Variants in LITAF observed in about 807,000 individuals in gnomAD.
LITAF encodes the protein lipopolysaccharide induced TNF factor, also known as lipopolysaccharide-induced tumor necrosis factor-alpha factor.
In LITAF, 9 loss-of-function variants were observed where a neutral mutation model predicts 14.5. The observed-to-expected ratio is 0.62, with a 90% CI of 0.37 to 1.08. The LOEUF (loss-of-function observed/expected upper bound fraction) is 1.08. Among genes scored for constraint, LITAF ranks in the 50% least tolerant of loss-of-function variants. The probability of loss-of-function intolerance (pLI) is 0.01; values close to 1 mark genes in which losing one functional copy is unlikely to be tolerated. For missense variants in LITAF, 206 were observed against 213.4 expected, an observed-to-expected ratio of 0.97 and a Z score of 0.22; for synonymous variants, 98 against 88.2, an observed-to-expected ratio of 1.11 and a Z score of -0.62.
chr16:11,604,644 T>TAAAA (rs67633068), intron 3 of LITAF, among the ~76,000 whole-genome samples: 1 of 128,588 alleles, frequency 7.8e-6, no homozygotes, highest in African/African-American at 3.0e-5. Flanking sequence ...CTGTCTCTCT[T>TAAAA]AAAAAAAAAA....
chr16:11,563,482 G>T (rs947626430), intron 1 of LITAF, among the ~76,000 whole-genome samples: 2 of 152,090 alleles, frequency 1.3e-5, no homozygotes, highest in Admixed American at 1.3e-4. Context: ...AATCATGAAA[G>T]GAAAATACAC....
chr16:11,559,403 G>A (rs2064322865), intron 1 of LITAF, among the ~76,000 whole-genome samples: 1 of 151,924 alleles, frequency 6.6e-6, no homozygotes, highest in African/African-American at 2.4e-5. Flanking sequence ...TTCAATTATT[G>A]GGAAGCTTTT....
chr16:11,619,773 A>G (rs1026142232), intron 3 of LITAF, among the ~76,000 whole-genome samples: 1 of 152,034 alleles, frequency 6.6e-6, no homozygotes, highest in Non-Finnish European at 1.5e-5. Flanking sequence ...TCATCCTGCT[A>G]TGTTGCCCAG....
chr16:11,613,085 G>C (rs990905037), intron 3 of LITAF, among the ~76,000 whole-genome samples: 1 of 152,056 alleles, frequency 6.6e-6, no homozygotes, highest in South Asian at 2.1e-4. Context: ...TGTTGCCCAG[G>C]CTGGAGTGCA....
In LITAF at chr16:11,554,659, G is replaced by A. The variant is rs557386631; in HGVS notation, c.221-970C>T. Among the ~76,000 whole-genome samples, 311 of 151,658 alleles carry A rather than the reference G, an allele frequency of 2.1e-3. 1 individual carries two copies. The highest frequency in any genetic ancestry group is 7.8e-4 in the Non-Finnish European group (53 of 67,882). ...AAAAATTAGCCGGGCATGATGGCAC[G>A]TGCCTGTAGTCCCAGCTACTTGGGA... On this transcript the variant is annotated intron_variant, in intron 2 of 3. Coordinates refer to ENST00000622633, the MANE Select transcript of LITAF (RefSeq NM_001136472.2).
chr16:11,569,602 G>C (rs922391001), intron 1 of LITAF, among the ~76,000 whole-genome samples: 3 of 152,190 alleles, frequency 2.0e-5, no homozygotes, highest in African/African-American at 7.2e-5. Flanking sequence ...TTCACTCATA[G>C]CTCAGGGAGA....
chr16:11,555,703 A>G (rs1337471207), intron 2 of LITAF, among the ~76,000 whole-genome samples: 3 of 152,100 alleles, frequency 2.0e-5, no homozygotes, highest in African/African-American at 7.2e-5. Flanking sequence ...TTTATTGATC[A>G]CAGGATGGTC....
chr16:11,573,384 C>T (rs1355009482), intron 1 of LITAF, among the ~76,000 whole-genome samples: 1 of 152,174 alleles, frequency 6.6e-6, no homozygotes, highest in Non-Finnish European at 1.5e-5. Context: ...AAACGGCCAA[C>T]CAAATTTAAC....
chr16:11,556,625 G>T lies in LITAF; in HGVS notation c.106C>A (p.Pro36Thr). 2.5e-6 allele frequency: 4 copies of T among 1,614,214 alleles called. No individual in the cohort carries two copies. Among genetic ancestry groups the T allele is most frequent in the Non-Finnish European group, 3.4e-6 (4 of 1,180,034 alleles). ...GTTGGCCCAGGCATGGGAGCTGGAG[G>T]TGTGGGGTAATAACTGTTAACAGCC... ...TVAVNSYYPT[P>T]PAPMPGPTTG... The change falls in exon 2 of 4, where the codon CCT becomes ACT. Residue 36 changes from proline (P) to threonine (T), a missense_variant. Transcript: ENST00000622633.
At chr16:11,609,670 C>T (rs1028992665) in intron 3 of LITAF, among the ~76,000 whole-genome samples, 2 of 152,172 alleles carry the variant, frequency 1.3e-5, no homozygotes, top group Non-Finnish European at 2.9e-5. Context: ...CAAGTTACTT[C>T]ACCTCCCAGA....
chr16:11,602,033 A>G (rs1267059289), upstream of LITAF, among the ~76,000 whole-genome samples: 1 of 152,198 alleles, frequency 6.6e-6, no homozygotes, highest in Non-Finnish European at 1.5e-5. Flanking sequence ...GAGTTGAACA[A>G]ATACCTCCAG....
chr16:11,575,775 C>T (rs1325119463), intron 1 of LITAF, among the ~76,000 whole-genome samples: 1 of 152,192 alleles, frequency 6.6e-6, no homozygotes, highest in Non-Finnish European at 1.5e-5. Context: ...ACAGCAGAAA[C>T]CCCAGTCTCC....
At chr16:11,612,299 T>A (rs188421172) in intron 3 of LITAF, among the ~76,000 whole-genome samples, 16 of 152,310 alleles carry the variant, frequency 1.1e-4, no homozygotes, top group Non-Finnish European at 2.2e-4. Flanking sequence ...CTGTGACTCC[T>A]GGGAGCCGCA....
upstream of LITAF, among the ~76,000 whole-genome samples, chr16:11,591,523 T>C (rs1260344186): frequency 6.6e-6 from 1 of 152,072 alleles, no homozygotes; most frequent in African/African-American, 2.4e-5. Context: ...AGAGATACAG[T>C]AATCAAAGCA....
intron 1 of LITAF, among the ~76,000 whole-genome samples, chr16:11,579,323 C>T (rs867126698): frequency 2.2e-3 from 316 of 141,732 alleles, no homozygotes; most frequent in Middle Eastern, 8.4e-3. Context: ...CGGTGGCGGG[C>T]GCCTGTAGTC....
At chr16:11,613,908 C>G (rs1467777393) in intron 3 of LITAF, among the ~76,000 whole-genome samples, 2 of 152,186 alleles carry the variant, frequency 1.3e-5, no homozygotes, top group African/African-American at 4.8e-5. Context: ...ATTTCCTTAT[C>G]TCTAAAACGG....
chr16:11,573,948 C>A lies in LITAF; in HGVS notation c.-6+12938G>T, dbSNP rs188297589. Among the ~76,000 whole-genome samples, 700 of 151,810 alleles carry A rather than the reference C, an allele frequency of 4.6e-3. 6 individuals are homozygous for A. Among genetic ancestry groups the A allele is most frequent in the African/African-American group, 0.016 (674 of 41,418 alleles). On this transcript the variant is annotated intron_variant, in intron 1 of 3. Transcript: ENST00000622633. The stretch of plus-strand genomic sequence containing the variant: ...AACTCCTGACCTCAAGTGATCCTCC[C>A]GCCTCGGGCTCCCAAAGTGCTGGGA...
chr16:11,565,511 T>C (rs12922787), intron 1 of LITAF, among the ~76,000 whole-genome samples: 93,572 of 149,710 alleles, frequency 0.63, 29,756 homozygotes, highest in African/African-American at 0.71. Flanking sequence ...CTATCCCAAG[T>C]CAAGGCCTTA....
chr16:11,610,412 G>A (rs558401598), intron 3 of LITAF, among the ~76,000 whole-genome samples: 2 of 123,616 alleles, frequency 1.6e-5, no homozygotes, highest in Non-Finnish European at 3.9e-5. Flanking sequence ...GGGCAGGCAG[G>A]AAATCTTTAT....
Sources: allele counts gnomAD v4.1 joint callset (sites outside exome capture counted in the v4.1 genomes callset), GRCh38; gene constraint gnomAD v4.1.1; transcripts MANE v1.5; gene names NCBI Gene and HGNC (gene_info 2026-07-23, HGNC 2026-07-21).